The following EXOC6B variants were observed in gnomAD, a reference collection of about 807,000 sequenced individuals.
EXOC6B encodes the protein SEC15 homolog B.
Under a neutral mutation model 113.5 loss-of-function variants are expected in EXOC6B, and 54 were observed. The observed-to-expected ratio is 0.48, with a 90% CI of 0.38 to 0.60. The LOEUF (loss-of-function observed/expected upper bound fraction) is 0.60. Among genes scored for constraint, EXOC6B ranks in the 20% least tolerant of loss-of-function variants. The probability of loss-of-function intolerance (pLI) is 0.00; values close to 1 mark genes in which losing one functional copy is unlikely to be tolerated. For missense variants in EXOC6B, 797 were observed against 977.5 expected (o/e 0.82, Z 2.46); for synonymous variants, 357 against 339.0 (o/e 1.05, Z -0.58).
intron 6 of EXOC6B, among the ~76,000 whole-genome samples, chr2:72,689,517 A>G (rs1038644814): frequency 6.6e-6 from 1 of 152,212 alleles, no homozygotes; most frequent in African/African-American, 2.4e-5. Flanking sequence ...TAATGATATA[A>G]TCTTTCAGTT....
intron 20 of EXOC6B, among the ~76,000 whole-genome samples, chr2:72,223,111 C>T (rs1263423933): frequency 6.6e-6 from 1 of 152,132 alleles, no homozygotes; most frequent in Non-Finnish European, 1.5e-5. Flanking sequence ...CCTTGGTCAC[C>T]AGGCTCTGCT....
At chr2:72,712,660 A>T (rs990004468) in intron 6 of EXOC6B, among the ~76,000 whole-genome samples, 7 of 152,174 alleles carry the variant, frequency 4.6e-5, no homozygotes, top group African/African-American at 1.7e-4. Flanking sequence ...CTGCTGGAGC[A>T]CTGAATCTTT....
intron 18 of EXOC6B, among the ~76,000 whole-genome samples, chr2:72,414,819 G>A (rs1451836597): frequency 6.6e-6 from 1 of 152,160 alleles, no homozygotes; most frequent in Non-Finnish European, 1.5e-5. Flanking sequence ...AATTCAAGAT[G>A]TTTTGGTTAG....
chr2:72,451,664 G>GTGTGTGTA (rs1345881922), intron 18 of EXOC6B, among the ~76,000 whole-genome samples: 1 of 151,292 alleles, frequency 6.6e-6, no homozygotes, highest in Non-Finnish European at 1.5e-5. Context: ...CTGTGTGTGT[G>GTGTGTGTA]TGTGTGTGTG....
At position 72,512,407 on chromosome 2, in the gene EXOC6B, GGAAGGAAGGAAGGAAGGAAA is replaced by G. The variant is rs1558748795; in HGVS notation, c.1167+705_1167+724del. Among the ~76,000 whole-genome samples the G allele has an allele frequency of 7.9e-4, 80 of 101,312 alleles. 1 individual carries two copies. The highest frequency in any genetic ancestry group is 3.0e-3 in the African/African-American group (78 of 25,962). The allele number at this position is 101,312 out of a possible 152,430, so 66.5% of individuals were successfully genotyped here. On this transcript the variant is annotated intron_variant, in intron 11 of 21. Transcript: ENST00000272427. ...AGGAAGGAAGGAAGGAAGGAAGGAA[GGAAGGAAGGAAGGAAGGAAA>G]GAAGGAAGGAAGGAAGGAAGGAAAG...
At chr2:72,794,023 G>T (rs1447364491) in intron 1 of EXOC6B, among the ~76,000 whole-genome samples, 1 of 152,182 alleles carries the variant, frequency 6.6e-6, no homozygotes, top group African/African-American at 2.4e-5. Flanking sequence ...GTCCCCTGGG[G>T]CTCATGAGAG....
intron 20 of EXOC6B, among the ~76,000 whole-genome samples, chr2:72,223,741 CAGG>C (rs564860083): frequency 1.7e-3 from 263 of 152,142 alleles, no homozygotes; most frequent in African/African-American, 5.9e-3. Flanking sequence ...TGTAACACTT[CAGG>C]AGGACAGAAT....
chr2:72,788,622 C>A (rs1040733678), intron 1 of EXOC6B, among the ~76,000 whole-genome samples: 2 of 151,976 alleles, frequency 1.3e-5, no homozygotes, highest in Admixed American at 1.3e-4. Context: ...CACAGTGAGA[C>A]CCCATCTCTA....
intron 19 of EXOC6B, among the ~76,000 whole-genome samples, chr2:72,378,250 G>C (rs773623950): frequency 2.6e-4 from 39 of 152,178 alleles, no homozygotes; most frequent in Non-Finnish European, 4.9e-4. Flanking sequence ...CTGATTAATA[G>C]AACTACTTCT....
chr2:72,571,388 C>T (rs1407113124), intron 7 of EXOC6B, among the ~76,000 whole-genome samples: 1 of 151,960 alleles, frequency 6.6e-6, no homozygotes, highest in South Asian at 2.1e-4. Context: ...CTCATCACTC[C>T]CTCTTTTTTT....
chr2:72,798,118 A>T (rs1685072695), intron 1 of EXOC6B, among the ~76,000 whole-genome samples: 1 of 152,182 alleles, frequency 6.6e-6, no homozygotes, highest in African/African-American at 2.4e-5. Flanking sequence ...CTAACACAGT[A>T]ACTGACAAAG....
At position 72,189,747 on chromosome 2, in the gene EXOC6B, CCTTTCTTT is replaced by C. The variant is rs554314755; in HGVS notation, c.2197-5568_2197-5561del. ...CCCCTCCCCTCCCCTCCCCTTCCTT[CCTTTCTTT>C]CTTCCTTCCCCTTTCTTTTCTCCTT... On this transcript the variant is annotated intron_variant, in intron 20 of 21. Transcript: ENST00000272427. 7.0e-4 allele frequency among the ~76,000 whole-genome samples: 101 copies of C among 144,056 alleles called. 1 individual carries two copies. Among genetic ancestry groups the C allele is most frequent in the Admixed American group, 4.8e-4 (7 of 14,434 alleles). The allele number at this position is 144,056 out of a possible 152,430, so 94.5% of individuals were successfully genotyped here. A position where few individuals can be genotyped will look rare whatever the true frequency, so the allele number is the denominator to read the frequency against.
intron 20 of EXOC6B, among the ~76,000 whole-genome samples, chr2:72,253,843 C>T (rs916854930): frequency 6.6e-6 from 1 of 152,024 alleles, no homozygotes; most frequent in African/African-American, 2.4e-5. Flanking sequence ...AACCCTTGAA[C>T]CTAAAATAAA....
At chr2:72,550,103 C>T (rs1342860428) in intron 8 of EXOC6B, among the ~76,000 whole-genome samples, 1 of 152,010 alleles carries the variant, frequency 6.6e-6, no homozygotes. Flanking sequence ...CCTCAATCCC[C>T]GTTTCTCTAT....
At chr2:72,589,258 C>A (rs1395743134) in intron 6 of EXOC6B, among the ~76,000 whole-genome samples, 1 of 151,954 alleles carries the variant, frequency 6.6e-6, no homozygotes, top group African/African-American at 2.4e-5. Context: ...ATTTATCTTA[C>A]TTCAAAAATG....
chr2:72,520,711 AT>A (rs1180025220), intron 8 of EXOC6B, among the ~76,000 whole-genome samples: 5 of 152,312 alleles, frequency 3.3e-5, no homozygotes, highest in African/African-American at 1.2e-4. Flanking sequence ...CTACAAACTG[AT>A]TTCAGCATCC....
intron 6 of EXOC6B, among the ~76,000 whole-genome samples, chr2:72,687,329 T>C (rs1324074644): frequency 6.6e-6 from 1 of 152,220 alleles, no homozygotes; most frequent in Non-Finnish European, 1.5e-5. Flanking sequence ...TGTTCAATAC[T>C]GTTGGCTGCA....
chr2:72,221,392 C>T (rs756669148), intron 20 of EXOC6B, among the ~76,000 whole-genome samples: 14 of 152,104 alleles, frequency 9.2e-5, no homozygotes, highest in Non-Finnish European at 1.6e-4. Context: ...CACAGATATC[C>T]GCCTATTTCA....
At chr2:72,611,171 T>C (rs937333354) in intron 6 of EXOC6B, among the ~76,000 whole-genome samples, 4 of 151,950 alleles carry the variant, frequency 2.6e-5, no homozygotes, top group African/African-American at 7.3e-5. Flanking sequence ...AAGACCAGCC[T>C]GGCCAAATAG....
Sources: gnomAD v4.1 joint callset for allele counts (sites outside exome capture counted in the v4.1 genomes callset) on GRCh38, gnomAD v4.1.1 for gene constraint, MANE v1.5 for transcripts, NCBI Gene and HGNC (gene_info 2026-07-23, HGNC 2026-07-21) for gene names.